The following SLC35F1 variants were observed in gnomAD, a reference collection of about 807,000 sequenced individuals.
SLC35F1 encodes solute carrier family 35 member F1.
A neutral mutation model predicts 48.7 loss-of-function variants in SLC35F1; 14 were observed. The observed-to-expected ratio is 0.29, with a 90% CI of 0.19 to 0.45. The LOEUF is 0.45. SLC35F1 is among the 20% of genes least tolerant of loss of function. The pLI is 1.00. For synonymous variants in SLC35F1, 190 were observed against 202.2 expected (o/e 0.94, Z 0.51); for missense variants, 404 against 500.0 (o/e 0.81, Z 1.83).
intron 2 of SLC35F1, among the ~76,000 whole-genome samples, chr6:118,197,904 T>C (rs1173055579): frequency 6.6e-6 from 1 of 152,202 alleles, no homozygotes; most frequent in African/African-American, 2.4e-5. Context: ...ACAAGATAAA[T>C]ACTGCTTTAA....
At chr6:118,150,600 T>G (rs1273683519) in intron 1 of SLC35F1, among the ~76,000 whole-genome samples, 2 of 152,148 alleles carry the variant, frequency 1.3e-5, no homozygotes, top group Non-Finnish European at 2.9e-5. Flanking sequence ...CCCAAAGAGA[T>G]GCACTCCATA....
At chr6:118,186,925 T>C (rs1185260150) in intron 2 of SLC35F1, among the ~76,000 whole-genome samples, 1 of 152,226 alleles carries the variant, frequency 6.6e-6, no homozygotes, top group African/African-American at 2.4e-5. Context: ...AAAGCTGATG[T>C]AGTCATAAAT....
chr6:118,261,672 G>T (rs1342097376), intron 3 of SLC35F1, among the ~76,000 whole-genome samples: 1 of 152,132 alleles, frequency 6.6e-6, no homozygotes, highest in Non-Finnish European at 1.5e-5. Flanking sequence ...TTCCAAGGGG[G>T]TTTTGCAGGA....
intron 2 of SLC35F1, among the ~76,000 whole-genome samples, chr6:118,156,182 C>T (rs1012340890): frequency 5.9e-5 from 9 of 151,406 alleles, no homozygotes; most frequent in African/African-American, 1.9e-4. Context: ...TTCCTGAGTG[C>T]GATTTGGAAG....
chr6:118,251,121 C>G (rs1156525903), intron 3 of SLC35F1, among the ~76,000 whole-genome samples: 1 of 151,846 alleles, frequency 6.6e-6, no homozygotes, highest in Non-Finnish European at 1.5e-5. Context: ...AATCTCATCT[C>G]TAAAAAAATA....
In SLC35F1 at chr6:117,995,842, A is replaced by T. The variant is rs546380773; in HGVS notation, c.173+87943A>T. 3.9e-5 allele frequency among the ~76,000 whole-genome samples: 6 copies of T among 152,372 alleles called. No individual in the cohort carries two copies. In the South Asian group the frequency reaches 1.0e-3, roughly 26 times the overall value. On this transcript the variant is annotated intron_variant, in intron 1 of 7. Transcript: ENST00000360388. Reference sequence around the variant, plus strand: ...GGCCAAATCCATTTTAATTGGACATAGATTGGATGGATTATATGGTATCGT... The same window carrying T: ...GGCCAAATCCATTTTAATTGGACATTGATTGGATGGATTATATGGTATCGT...
At chr6:117,921,299 G>A (rs1775895796) in intron 1 of SLC35F1, among the ~76,000 whole-genome samples, 2 of 152,194 alleles carry the variant, frequency 1.3e-5, no homozygotes, top group Non-Finnish European at 2.9e-5. Flanking sequence ...TTACCCATGA[G>A]CTAGCTATAT....
chr6:118,005,030 A>G (rs1382990368), intron 1 of SLC35F1, among the ~76,000 whole-genome samples: 1 of 152,160 alleles, frequency 6.6e-6, no homozygotes, highest in African/African-American at 2.4e-5. Context: ...ATGCTAGGAT[A>G]TGAAAAGGAA....
intron 5 of SLC35F1, among the ~76,000 whole-genome samples, chr6:118,275,831 A>T (rs571052179): frequency 1.3e-5 from 2 of 152,360 alleles, no homozygotes; most frequent in East Asian, 3.9e-4. Flanking sequence ...CTTAATGTTT[A>T]TAAAACATTG....
At chr6:118,126,152 GC>G (rs1215273019) in intron 1 of SLC35F1, among the ~76,000 whole-genome samples, 1 of 152,160 alleles carries the variant, frequency 6.6e-6, no homozygotes, top group Non-Finnish European at 1.5e-5. Flanking sequence ...ACAAGAGACT[GC>G]TGACTTTCCT....
rs1260054544 is a variant in SLC35F1, at chr6:118,317,556, C to G, written c.*3304C>G. ...AATACGAACCAAAAAAAAGTTACAC[C>G]GATAAGTTCAACAAACTGTCCATTT... is the stretch of plus-strand genomic sequence containing the variant. On this transcript the variant is annotated 3_prime_UTR_variant, in exon 8 of 8. Transcript: ENST00000360388. 6.6e-6 allele frequency: 1 copy of G among 152,170 alleles called. No homozygotes were observed. The highest frequency in any genetic ancestry group is 1.5e-5 in the Non-Finnish European group (1 of 68,034). 9.4% of individuals were successfully genotyped at this position (152,170 alleles called of 1,614,324 possible). A position where few individuals can be genotyped will look rare whatever the true frequency, so the allele number is the denominator to read the frequency against.
chr6:118,195,861 A>G, intron 2 of SLC35F1, among the ~76,000 whole-genome samples: 1 of 152,200 alleles, frequency 6.6e-6, no homozygotes, highest in East Asian at 1.9e-4. Context: ...CAGCGGACAC[A>G]GGTGGGTCCT....
intron 3 of SLC35F1, among the ~76,000 whole-genome samples, chr6:118,255,189 G>T (rs996600497): frequency 6.6e-6 from 1 of 152,156 alleles, no homozygotes; most frequent in African/African-American, 2.4e-5. Context: ...AGAATAGCAG[G>T]CCTGTGATCA....
intron 1 of SLC35F1, among the ~76,000 whole-genome samples, chr6:118,073,326 A>C (rs1582651168): frequency 6.6e-6 from 1 of 152,198 alleles, no homozygotes; most frequent in South Asian, 2.1e-4. Flanking sequence ...ACTGCTGTGA[A>C]CTGAGTGACC....
Position 118,092,909 on chromosome 6 carries a change from A to G in SLC35F1, c.174-61536A>G, listed in dbSNP as rs573309552. Among the ~76,000 whole-genome samples, 11 of 152,296 alleles carry G rather than the reference A, an allele frequency of 7.2e-5. No homozygotes were observed. In the South Asian group the frequency reaches 2.3e-3, roughly 32 times the overall value. On this transcript the variant is annotated intron_variant, in intron 1 of 7. Coordinates refer to ENST00000360388, the MANE Select transcript of SLC35F1 (RefSeq NM_001029858.4). ...AACTTGCTTTTGATTTGACGGGCTCATAGGTGGAAAGGACTTGCCTTGTCT... is the reference window on the plus strand; with the variant it reads ...AACTTGCTTTTGATTTGACGGGCTCGTAGGTGGAAAGGACTTGCCTTGTCT...
chr6:118,240,146 A>G (rs1775418369), intron 3 of SLC35F1, among the ~76,000 whole-genome samples: 1 of 152,260 alleles, frequency 6.6e-6, no homozygotes, highest in South Asian at 2.1e-4. Context: ...AGAGAAATGA[A>G]TCAGCCTTGC....
intron 1 of SLC35F1, among the ~76,000 whole-genome samples, chr6:117,936,344 G>A (rs1443478351): frequency 2.0e-5 from 3 of 152,270 alleles, no homozygotes; most frequent in Non-Finnish European, 4.4e-5. Flanking sequence ...TTGGGTAGTT[G>A]GTGGTAGGAT....
intron 1 of SLC35F1, among the ~76,000 whole-genome samples, chr6:118,098,838 T>C (rs1044509980): frequency 2.0e-5 from 3 of 152,182 alleles, no homozygotes; most frequent in Non-Finnish European, 4.4e-5. Context: ...ATATATATTT[T>C]ATTTTATTAG....
At chr6:117,941,785 T>G (rs72957819) in intron 1 of SLC35F1, among the ~76,000 whole-genome samples, 11,115 of 152,276 alleles carry the variant, frequency 0.073, 501 homozygotes, top group Middle Eastern at 0.11. Flanking sequence ...TCTTGTTTAC[T>G]TGAAGCTTTT....
Sources: allele counts gnomAD v4.1 joint callset (sites outside exome capture counted in the v4.1 genomes callset), GRCh38; gene constraint gnomAD v4.1.1; transcripts MANE v1.5; gene names NCBI Gene and HGNC (gene_info 2026-07-23, HGNC 2026-07-21).